The following RIN2 variants were observed in gnomAD, a reference collection of about 807,000 sequenced individuals.
RIN2 encodes the protein RAB5 interacting protein 2.
Under a neutral mutation model 78.0 loss-of-function variants are expected in RIN2, and 36 were observed. That is an observed-to-expected ratio of 0.46 (90% CI 0.35 to 0.61). The LOEUF (loss-of-function observed/expected upper bound fraction) is 0.61. Ranked by LOEUF, RIN2 falls within the 20% of genes least tolerant of loss-of-function variation. The pLI is 0.00. For synonymous variants in RIN2, 466 were observed against 466.8 expected, an observed-to-expected ratio of 1.00 and a Z score of 0.02; for missense variants, 1,087 against 1,159.7, an observed-to-expected ratio of 0.94 and a Z score of 0.91.
At position 19,817,549 on chromosome 20, in the gene RIN2, C is replaced by A. The variant is rs1217389367; in HGVS notation, c.-37+17802C>A. On this transcript the variant is annotated intron_variant, in intron 2 of 12. Transcript: ENST00000255006. ...AAACATTTAGATTATAGCACCAACA[C>A]AATTAGCTAAAAAGATTGAAAGTGG... Among the ~76,000 whole-genome samples, 4 of 152,184 alleles carry A rather than the reference C, an allele frequency of 2.6e-5. No homozygotes were observed. In the East Asian group the frequency reaches 7.7e-4, roughly 29 times the overall value.
intron 2 of RIN2, among the ~76,000 whole-genome samples, chr20:19,868,558 C>T (rs963688880): frequency 2.0e-5 from 3 of 152,116 alleles, no homozygotes; most frequent in East Asian, 1.9e-4. Flanking sequence ...GGGTTTCATC[C>T]GGGTTTTATG....
chr20:19,765,077 T>A (rs1397530051), intron 1 of RIN2, among the ~76,000 whole-genome samples: 2 of 151,966 alleles, frequency 1.3e-5, no homozygotes, highest in African/African-American at 4.8e-5. Context: ...CTCGAACTCC[T>A]GACCTAAAGT....
Position 19,964,971 on chromosome 20 carries a change from A to T in RIN2, c.483A>T (p.Ser161=). 1 of 1,613,652 alleles carries T rather than the reference A, an allele frequency of 6.2e-7. No individual in the cohort carries two copies. Among genetic ancestry groups the T allele is most frequent in the Non-Finnish European group, 8.5e-7 (1 of 1,179,762 alleles). The change falls in exon 7 of 13, where the codon TCA becomes TCT. Residue 161 remains serine, a synonymous_variant. Transcript: ENST00000255006. ...ESTYTFSLEG[S]GISFADLFRL... Reference sequence around the variant, plus strand: ...TTCCAGCCTTTTCCCTGGAAGGCTCAGGAATCAGTTTCGCAGATTTATTCC... The same window carrying T: ...TTCCAGCCTTTTCCCTGGAAGGCTCTGGAATCAGTTTCGCAGATTTATTCC...
chr20:19,844,669 C>CTTCCTCTTCTTCTTCTT (rs1232176696), intron 2 of RIN2, among the ~76,000 whole-genome samples: 4 of 76,166 alleles, frequency 5.3e-5, no homozygotes, highest in African/African-American at 2.5e-4. Flanking sequence ...TCTTCTTCTT[C>CTTCCTCTTCTTCTTCTT]CTTCTTCTTC....
At chr20:19,826,901 A>C (rs2036104529) in intron 2 of RIN2, among the ~76,000 whole-genome samples, 1 of 151,780 alleles carries the variant, frequency 6.6e-6, no homozygotes, top group Non-Finnish European at 1.5e-5. Flanking sequence ...GATCCATGCA[A>C]CAGTTTTTTT....
intron 1 of RIN2, among the ~76,000 whole-genome samples, chr20:19,777,408 A>T (rs1234513797): frequency 1.3e-5 from 2 of 152,364 alleles, no homozygotes; most frequent in East Asian, 3.9e-4. Context: ...GCTGTTTCAG[A>T]ACTTCAGCTC....
At chr20:19,962,395 C>T (rs953314246) in intron 6 of RIN2, among the ~76,000 whole-genome samples, 12 of 152,046 alleles carry the variant, frequency 7.9e-5, no homozygotes, top group Admixed American at 2.0e-4. Flanking sequence ...AAGTGGAGCA[C>T]GATGGATGTG....
intron 3 of RIN2, among the ~76,000 whole-genome samples, chr20:19,910,518 T>A (rs531330053): frequency 5.5e-4 from 84 of 151,450 alleles, no homozygotes; most frequent in Non-Finnish European, 9.1e-4. Flanking sequence ...TTTTTTTTAA[T>A]CATTCTTGTG....
intron 12 of RIN2, among the ~76,000 whole-genome samples, chr20:19,998,119 C>T (rs1381501024): frequency 6.6e-6 from 1 of 151,880 alleles, no homozygotes; most frequent in Non-Finnish European, 1.5e-5. Context: ...GCTGGGACTA[C>T]AGGTGCTCAC....
intron 3 of RIN2, among the ~76,000 whole-genome samples, chr20:19,928,941 T>C (rs1568621377): frequency 6.6e-6 from 1 of 152,226 alleles, no homozygotes; most frequent in Non-Finnish European, 1.5e-5. Context: ...AAGACCTCCG[T>C]TGAGGTCTGC....
intron 4 of RIN2, among the ~76,000 whole-genome samples, chr20:19,948,223 C>A (rs1426208755): frequency 1.3e-5 from 2 of 152,146 alleles, no homozygotes; most frequent in African/African-American, 4.8e-5. Flanking sequence ...TATGGAACTT[C>A]CCCTAGGAAA....
intron 4 of RIN2, among the ~76,000 whole-genome samples, chr20:19,955,546 G>A (rs2876553): frequency 0.066 from 10,053 of 152,044 alleles, 1,068 homozygotes; most frequent in African/African-American, 0.23. Flanking sequence ...CAGGTTCCAC[G>A]GGCTGGCTTC....
chr20:19,848,534 CAAAAAAAAAAA>C (rs11352724), intron 2 of RIN2, among the ~76,000 whole-genome samples: 4 of 52,832 alleles, frequency 7.6e-5, no homozygotes, highest in African/African-American at 1.1e-4. Context: ...GACTCCATCT[CAAAAAAAAAAA>C]AAAAAAAAAA....
rs58825396 is a variant in RIN2 at position 19,945,741 on chromosome 20, C to T, written c.158+10542C>T. 0.014 allele frequency among the ~76,000 whole-genome samples: 2,159 copies of T among 152,186 alleles called. 103 individuals are homozygous for T. In the East Asian group the frequency reaches 0.17, roughly 12 times the overall value. On this transcript the variant is annotated intron_variant, in intron 4 of 12. Coordinates refer to ENST00000255006, the MANE Select transcript of RIN2 (RefSeq NM_018993.4). ...TCATTGACTTTTACAACCAAAGCCA[C>T]TCAAAGCCCACTCCTTGCTAGTTGA... is the stretch of plus-strand genomic sequence containing the variant.
intron 2 of RIN2, chr20:19,809,461 TGGCA>T (rs1434621583): frequency 6.6e-6 from 1 of 152,256 alleles, no homozygotes; most frequent in Non-Finnish European, 1.5e-5. Context: ...AAGCAGGATA[TGGCA>T]GTCCCCTAGC....
chr20:19,895,449 C>T (rs942184649), intron 3 of RIN2, among the ~76,000 whole-genome samples: 1 of 152,166 alleles, frequency 6.6e-6, no homozygotes, highest in Non-Finnish European at 1.5e-5. Flanking sequence ...AGAGTACCCC[C>T]TTTCTAAGTG....
Position 19,956,803 on chromosome 20 carries a change from C to T in RIN2, c.347C>T (p.Pro116Leu), listed in dbSNP as rs147968123. ...GCAGAGGTCCTGCAGGCCCAGCCTC[C>T]GGGGGTAAGACTCAGAACCTCGGGA... ...EAAEVLQAQP[P>L]GIFLVHKSTK... The change falls in exon 5 of 13, where the codon CCG (proline) becomes CTG (leucine). Residue 116 changes from proline (P) to leucine (L), a missense_variant. Pro to Leu is a moderately conservative substitution (Grantham distance 98, BLOSUM62 -3). Coordinates refer to ENST00000255006, the MANE Select transcript of RIN2 (RefSeq NM_018993.4). 9.4e-4 allele frequency: 1,483 copies of T among 1,574,728 alleles called. 9 individuals carry two copies. The African/African-American group carries it at 0.013, about 14-fold the overall frequency.
At chr20:19,854,544 C>G (rs1290548893) in intron 2 of RIN2, among the ~76,000 whole-genome samples, 1 of 152,184 alleles carries the variant, frequency 6.6e-6, no homozygotes, top group African/African-American at 2.4e-5. Flanking sequence ...TTTGTGTCCT[C>G]TTTTGTTTCG....
intron 11 of RIN2, among the ~76,000 whole-genome samples, chr20:19,994,787 C>T (rs903855104): frequency 2.0e-5 from 3 of 152,204 alleles, no homozygotes; most frequent in Non-Finnish European, 4.4e-5. Flanking sequence ...CACACAGTCA[C>T]ATGCTGATTT....
Sources: gnomAD v4.1 joint callset for allele counts (sites outside exome capture counted in the v4.1 genomes callset) on GRCh38, gnomAD v4.1.1 for gene constraint, MANE v1.5 for transcripts, NCBI Gene and HGNC (gene_info 2026-07-23, HGNC 2026-07-21) for gene names.